The following APC2 variants were observed in gnomAD, a reference collection of about 807,000 sequenced individuals.
APC2 encodes the protein adenomatous polyposis coli protein 2.
APC2 carries 41 observed loss-of-function variants against 72.5 expected under a neutral mutation model. The ratio of observed to expected loss-of-function variants is 0.57; its 90% CI spans 0.44 to 0.73. The LOEUF is 0.73. Ranked by LOEUF, APC2 falls within the 30% of genes least tolerant of loss-of-function variation. The probability of loss-of-function intolerance (pLI) is 0.00; values close to 1 mark genes in which losing one functional copy is unlikely to be tolerated. For missense variants in APC2, 3,729 were observed against 3,403.4 expected (o/e 1.10, Z -2.38); for synonymous variants, 1,898 against 1,612.0 (o/e 1.18, Z -4.25).
rs916451998 is a variant in APC2, at chr19:1,467,486, C to G, written c.4185C>G (p.Gly1395=). The G allele has an allele frequency of 6.2e-5, 91 of 1,456,986 alleles. No homozygotes were observed. In the African/African-American group the frequency reaches 1.2e-3, roughly 19 times the overall value. The allele number at this position is 1,456,986 out of a possible 1,614,324, so 90.3% of individuals were successfully genotyped here. A position where few individuals can be genotyped will look rare whatever the true frequency, so the allele number is the denominator to read the frequency against. Residue 1395 remains glycine (G), a synonymous_variant, in exon 15 of 15, where the codon GGC becomes GGG. Transcript: ENST00000590469. ...ACTCCTGCACTGACTCCGCGGAGGG[C>G]ACGCCGGTCAACTTCTCTAGCGCCG... ...EDDSCTDSAE[G]TPVNFSSAAS...
At chr19:1,448,244 C>T (rs138300327), upstream of APC2, among the ~76,000 whole-genome samples, 299 of 152,258 alleles carry the variant, frequency 2.0e-3, 2 homozygotes, top group African/African-American at 7.0e-3. Context: ...CAGCCTGGAA[C>T]GCCTCTCCTC....
At position 1,453,305 on chromosome 19, in the gene APC2, C is replaced by A. The variant is rs867728580; in HGVS notation, c.200C>A (p.Ser67Ter). ...CAGGAGGCCCGAGTGCTGGTGTCCT[C>A]GGGGCAGACGGAGGTGCTGGAGCAG... is the stretch of plus-strand genomic sequence containing the variant. ...LEQEARVLVS[S>*]GQTEVLEQLK... Residue 67 changes from serine to a stop codon, truncating the protein, a stop_gained, in exon 3 of 15, where the codon TCG (serine) becomes TAG (stop). Coordinates refer to ENST00000590469, the MANE Select transcript of APC2 (RefSeq NM_005883.3). LOFTEE classifies it high-confidence loss of function. 1 of 1,591,018 alleles carries A rather than the reference C, an allele frequency of 6.3e-7. No homozygotes were observed. Among genetic ancestry groups the A allele is most frequent in the Admixed American group, 1.8e-5 (1 of 55,136 alleles).
chr19:1,456,126 G>A lies in APC2; in HGVS notation c.690G>A (p.Gln230=). Residue 230 remains glutamine (Q), a synonymous_variant, in exon 7 of 15, where the codon CAG becomes CAA. Coordinates refer to ENST00000590469, the MANE Select transcript of APC2 (RefSeq NM_005883.3). ...TTGACAAGGAGCTGCTGGAGGCGCA[G>A]GACCGAGTGCAGCAGACGGAGCCCC... ...EQIDKELLEA[Q]DRVQQTEPQA... is the part of the protein sequence containing the mutation. 6.3e-7 allele frequency: 1 copy of A among 1,592,536 alleles called. No individual in the cohort carries two copies. The highest frequency in any genetic ancestry group is 8.5e-7 in the Non-Finnish European group (1 of 1,171,888).
rs765241285 is a variant in APC2, at chr19:1,453,574, G to T, written c.376G>T (p.Ala126Ser). Residue 126 changes from alanine (A) to serine (S), a missense_variant, in exon 4 of 15, where the codon GCC (alanine) becomes TCC (serine). Transcript: ENST00000590469. ...GGACAGCTTTGGGGAGCTGAGCCGGGCCACCATCCGGCTGCTGGAGGAACT... is the reference window on the plus strand; with the variant it reads ...GGACAGCTTTGGGGAGCTGAGCCGGTCCACCATCCGGCTGCTGGAGGAACT... ...SKDSFGELSR[A>S]TIRLLEELDR... is the part of the protein sequence containing the mutation. The T allele has an allele frequency of 6.2e-7, 1 of 1,609,098 alleles. No homozygotes were observed. Among genetic ancestry groups the T allele is most frequent in the Admixed American group, 1.7e-5 (1 of 59,474 alleles).
In APC2 at chr19:1,455,203, C is replaced by G. The variant is rs754123761; in HGVS notation, c.468C>G (p.Tyr156Ter). 1.3e-6 allele frequency: 2 copies of G among 1,583,542 alleles called. No homozygotes were observed. ...AGGAGAAGGAGAAGCTCTGGTACTA[C>G]TCTCAGCTGCAGGGCCTGTCCAAGC... ...EKEEKEKLWY[Y>*]SQLQGLSKRL... The change falls in exon 5 of 15, where the codon TAC (tyrosine) becomes TAG (stop). Residue 156 changes from tyrosine (Y) to a stop codon, truncating the protein, a stop_gained. Transcript: ENST00000590469. LOFTEE classifies it high-confidence loss of function.
Position 1,469,586 on chromosome 19 carries a change from T to C in APC2, c.6285T>C (p.Thr2095=), listed in dbSNP as rs975409491. Residue 2095 remains threonine, a synonymous_variant, in exon 15 of 15, where the codon ACT becomes ACC. Coordinates refer to ENST00000590469, the MANE Select transcript of APC2 (RefSeq NM_005883.3). ...GCGCGCCCGCCGCCCGGCCGGAGAC[T>C]GTCAAGCGCTACGCGTCGCTGCCGC... ...PVRAPAARPE[T]VKRYASLPHI... 11 of 1,256,472 alleles carry C rather than the reference T, an allele frequency of 8.8e-6. No homozygotes were observed. The highest frequency in any genetic ancestry group is 6.3e-5 in the Admixed American group (2 of 31,688). The allele number at this position is 1,256,472 out of a possible 1,614,324, so 77.8% of individuals were successfully genotyped here. A position where few individuals can be genotyped will look rare whatever the true frequency, so the allele number is the denominator to read the frequency against.
Position 1,460,230 on chromosome 19 carries a change from C to G in APC2, c.1353C>G (p.His451Gln). 6.2e-7 allele frequency: 1 copy of G among 1,613,576 alleles called. No individual in the cohort carries two copies. Among genetic ancestry groups the G allele is most frequent in the Non-Finnish European group, 8.5e-7 (1 of 1,180,016 alleles). ...AELLQVDYEM[H>Q]KMTRDPLNLA... ...TGCTGCAGGTTGACTATGAGATGCA[C>G]AAGATGACCCGGGACCCGCTGAACC... Residue 451 changes from histidine (H) to glutamine (Q), a missense_variant, in exon 11 of 15, where the codon CAC (histidine) becomes CAG (glutamine). His to Gln is a conservative substitution (Grantham distance 24). Coordinates refer to ENST00000590469, the MANE Select transcript of APC2 (RefSeq NM_005883.3).
chr19:1,454,498 C>A (rs1225439855), intron 4 of APC2, among the ~76,000 whole-genome samples: 1 of 151,878 alleles, frequency 6.6e-6, no homozygotes, highest in East Asian at 1.9e-4. Context: ...CCCACCTCAG[C>A]CTCCCATGTC....
chr19:1,464,050 T>C (rs2083967614), intron 14 of APC2, among the ~76,000 whole-genome samples: 1 of 152,018 alleles, frequency 6.6e-6, no homozygotes, highest in African/African-American at 2.4e-5. Flanking sequence ...GGTGGACGCC[T>C]GTAATCCCAG....
rs1323955763 is a variant in APC2, at chr19:1,469,549, G to T, written c.6248G>T (p.Arg2083Leu). 8.2e-7 allele frequency: 1 copy of T among 1,221,414 alleles called. No homozygotes were observed. Among genetic ancestry groups the T allele is most frequent in the Non-Finnish European group, 1.0e-6 (1 of 966,406 alleles). 75.7% of individuals were successfully genotyped at this position (1,221,414 alleles called of 1,614,324 possible). A position where few individuals can be genotyped will look rare whatever the true frequency, so the allele number is the denominator to read the frequency against. ...ARRTTSESPS[R>L]LPVRAPAARP... ...CGCACCACCTCCGAGAGCCCGTCCC[G>T]CCTGCCTGTGCGCGCGCCCGCCGCC... is the stretch of plus-strand genomic sequence containing the variant. The change falls in exon 15 of 15, where the codon CGC becomes CTC. Residue 2083 changes from arginine to leucine, a missense_variant. Coordinates refer to ENST00000590469, the MANE Select transcript of APC2 (RefSeq NM_005883.3).
At chr19:1,457,752 G>C (rs1339196780) in intron 9 of APC2, 2 of 600,514 alleles carry the variant, frequency 3.3e-6, no homozygotes, top group Non-Finnish European at 6.0e-6. Flanking sequence ...TGGTGCTCCA[G>C]GAACTACCTC....
At position 1,468,404 on chromosome 19, in the gene APC2, C is replaced by G. The variant is rs770706858; in HGVS notation, c.5103C>G (p.His1701Gln). The G allele has an allele frequency of 6.3e-7, 1 of 1,589,418 alleles. No individual in the cohort carries two copies. Among genetic ancestry groups the G allele is most frequent in the Non-Finnish European group, 8.6e-7 (1 of 1,168,330 alleles). Residue 1701 changes from histidine (H) to glutamine (Q), a missense_variant, in exon 15 of 15, where the codon CAC (histidine) becomes CAG (glutamine). Physicochemically the swap from His to Gln is conservative, Grantham distance 24 (BLOSUM62 0). Coordinates refer to ENST00000590469, the MANE Select transcript of APC2 (RefSeq NM_005883.3). ...EGANSIVTWL[H>Q]QAAAATREAS... is the part of the protein sequence containing the mutation. ...CCAATTCAATTGTCACGTGGCTGCA[C>G]CAGGCAGCAGCTGCCACGCGGGAGG...
intron 10 of APC2, chr19:1,458,430 G>T (rs184006844): frequency 9.0e-5 from 19 of 211,630 alleles, no homozygotes; most frequent in African/African-American, 4.2e-4. Context: ...TCTTCTCTTT[G>T]TCAATATAAA....
At position 1,467,484 on chromosome 19, in the gene APC2, G is replaced by A; in HGVS notation, c.4183G>A (p.Gly1395Ser). 1 of 1,457,152 alleles carries A rather than the reference G, an allele frequency of 6.9e-7. No individual in the cohort carries two copies. The highest frequency in any genetic ancestry group is 9.0e-7 in the Non-Finnish European group (1 of 1,106,664). 90.3% of individuals were successfully genotyped at this position (1,457,152 alleles called of 1,614,324 possible). Residue 1395 changes from glycine (G) to serine (S), a missense_variant, in exon 15 of 15, where the codon GGC (glycine) becomes AGC (serine). Physicochemically the swap from Gly to Ser is moderately conservative, Grantham distance 56. Transcript: ENST00000590469. The part of the protein sequence containing the change: ...EDDSCTDSAE[G>S]TPVNFSSAAS... Reference sequence around the variant, plus strand: ...CGACTCCTGCACTGACTCCGCGGAGGGCACGCCGGTCAACTTCTCTAGCGC... The same window carrying A: ...CGACTCCTGCACTGACTCCGCGGAGAGCACGCCGGTCAACTTCTCTAGCGC...
chr19:1,456,409 G>T lies in APC2; in HGVS notation c.816+5G>T, dbSNP rs371479109. On this transcript the variant is annotated splice_donor_5th_base_variant and intron_variant, in intron 8 of 14. Transcript: ENST00000590469. ...CCTCAGCCGGGCAACAGCAAGGTGA[G>T]GGGGAGGGTGAAACGGGGGCTGGCG... 4.4e-6 allele frequency: 7 copies of T among 1,594,410 alleles called. No homozygotes were observed. The highest frequency in any genetic ancestry group is 1.7e-5 in the Admixed American group (1 of 58,402).
In APC2 at chr19:1,464,912, T is replaced by G. The variant is rs904398601; in HGVS notation, c.1854-243T>G. Reference sequence around the variant, plus strand: ...CCTACCAAAGTACTGGGATTACAGGTGTGATCCACTGCACCCGGCCTACCT... The same window carrying G: ...CCTACCAAAGTACTGGGATTACAGGGGTGATCCACTGCACCCGGCCTACCT... On this transcript the variant is annotated intron_variant, in intron 14 of 14. Coordinates refer to ENST00000590469, the MANE Select transcript of APC2 (RefSeq NM_005883.3). Among the ~76,000 whole-genome samples, 311 of 151,010 alleles carry G rather than the reference T, an allele frequency of 2.1e-3. 2 individuals carry two copies. The highest frequency in any genetic ancestry group is 7.1e-3 in the African/African-American group (291 of 40,954).
chr19:1,455,215 G>A lies in APC2; in HGVS notation c.480G>A (p.Gln160=). The A allele has an allele frequency of 3.8e-6, 6 of 1,583,766 alleles. No homozygotes were observed. The highest frequency in any genetic ancestry group is 5.1e-6 in the Non-Finnish European group (6 of 1,171,642). The change falls in exon 5 of 15, where the codon CAG becomes CAA. Residue 160 remains glutamine (Q), a synonymous_variant. Coordinates refer to ENST00000590469, the MANE Select transcript of APC2 (RefSeq NM_005883.3). The part of the protein sequence containing the change: ...KEKLWYYSQL[Q]GLSKRLDELP... ...AGCTCTGGTACTACTCTCAGCTGCA[G>A]GGCCTGTCCAAGCGCCTGGACGAGC...
At chr19:1,462,219 C>A in intron 14 of APC2, 42 bp downstream of exon 14, 1 of 1,497,362 alleles carries the variant, frequency 6.7e-7, no homozygotes, top group Non-Finnish European at 8.9e-7. Flanking sequence ...CAGCTGCGCT[C>A]GGGGCGGGCA....
intron 11 of APC2, among the ~76,000 whole-genome samples, 153 bp downstream of exon 11, chr19:1,460,473 C>A (rs971632816): frequency 5.9e-5 from 9 of 152,256 alleles, no homozygotes. Flanking sequence ...CCAGAGAGTG[C>A]GGTGTGGGGG....
Sources: allele counts gnomAD v4.1 joint callset (sites outside exome capture counted in the v4.1 genomes callset), GRCh38; gene constraint gnomAD v4.1.1; transcripts MANE v1.5; gene names NCBI Gene and HGNC (gene_info 2026-07-23, HGNC 2026-07-21).